CELF2: variants seen among roughly 807,000 people sequenced by gnomAD.
The protein encoded by CELF2 is CUG triplet repeat RNA-binding protein 2.
CELF2 carries 8 observed loss-of-function variants against 62.6 expected under a neutral mutation model. The observed-to-expected ratio is 0.13, with a 90% CI of 0.07 to 0.23. CELF2 has a LOEUF of 0.23. CELF2 is among the 10% of genes least tolerant of loss of function. CELF2 has a pLI of 1.00. For synonymous variants in CELF2, 258 were observed against 250.0 expected (o/e 1.03, Z -0.30); for missense variants, 333 against 671.0 (o/e 0.50, Z 5.56).
intron 1 of CELF2, among the ~76,000 whole-genome samples, chr10:10,915,636 T>C (rs2064257716): frequency 6.6e-6 from 1 of 152,118 alleles, no homozygotes; most frequent in Non-Finnish European, 1.5e-5. Context: ...AGTATTGCTA[T>C]GTGGCCTAGA....
At chr10:10,849,901 G>C (rs2132750766) in intron 1 of CELF2, among the ~76,000 whole-genome samples, 1 of 152,138 alleles carries the variant, frequency 6.6e-6, no homozygotes, top group East Asian at 1.9e-4. Context: ...CCAGGACTTT[G>C]GGAGGCCGAG....
chr10:10,540,938 A>G, the CELF2 span, among the ~76,000 whole-genome samples: 1 of 152,008 alleles, frequency 6.6e-6, no homozygotes, highest in African/African-American at 2.4e-5. Context: ...TAATCCTAGC[A>G]CTTTGGGAGG....
At chr10:10,696,228 ACT>A in the CELF2 span, among the ~76,000 whole-genome samples, 1 of 151,552 alleles carries the variant, frequency 6.6e-6, no homozygotes, top group Non-Finnish European at 1.5e-5. Flanking sequence ...AACAGACAGG[ACT>A]CTCAGCTGGA....
the CELF2 span, among the ~76,000 whole-genome samples, chr10:10,721,301 C>A: frequency 4.6e-5 from 7 of 152,180 alleles, no homozygotes; most frequent in Non-Finnish European, 8.8e-5. Context: ...AAATATTAAT[C>A]ATTTGTTTAC....
chr10:10,720,207 T>C, the CELF2 span, among the ~76,000 whole-genome samples: 3 of 152,242 alleles, frequency 2.0e-5, no homozygotes, highest in African/African-American at 7.2e-5. Flanking sequence ...ATATTAAATC[T>C]ACTTATCTCA....
At chr10:11,181,478 G>A (rs551396234) in intron 2 of CELF2, among the ~76,000 whole-genome samples, 1 of 152,346 alleles carries the variant, frequency 6.6e-6, no homozygotes, top group South Asian at 2.1e-4. Flanking sequence ...TCCCATGCCT[G>A]AGTCTTGCCA....
At chr10:10,830,674 A>T (rs1166436601) in intron 1 of CELF2, among the ~76,000 whole-genome samples, 1 of 151,954 alleles carries the variant, frequency 6.6e-6, no homozygotes, top group African/African-American at 2.4e-5. Flanking sequence ...AGCCCACAAA[A>T]CTCAAGGGGC....
chr10:10,474,973 A>T, the CELF2 span, among the ~76,000 whole-genome samples: 1 of 152,112 alleles, frequency 6.6e-6, no homozygotes, highest in Non-Finnish European at 1.5e-5. Context: ...CTTAACACAG[A>T]GGTCAATAGG....
At chr10:10,733,857 A>G in the CELF2 span, among the ~76,000 whole-genome samples, 1 of 152,200 alleles carries the variant, frequency 6.6e-6, no homozygotes, top group Admixed American at 6.5e-5. Flanking sequence ...TTGGGTGGGG[A>G]CAGAGCCAAG....
chr10:10,590,936 A>C, the CELF2 span, among the ~76,000 whole-genome samples: 1 of 152,210 alleles, frequency 6.6e-6, no homozygotes, highest in Non-Finnish European at 1.5e-5. Flanking sequence ...TAGATGAATA[A>C]AATTGTCTAT....
chr10:10,475,021 C>G, the CELF2 span, among the ~76,000 whole-genome samples: 150 of 152,216 alleles, frequency 9.9e-4, 1 homozygote, highest in African/African-American at 3.4e-3. Flanking sequence ...AGCAGGTAGA[C>G]TGAGAAGATG....
chr10:11,089,817 T>C (rs780683946), intron 1 of CELF2, among the ~76,000 whole-genome samples: 2 of 152,188 alleles, frequency 1.3e-5, no homozygotes, highest in East Asian at 1.9e-4. Flanking sequence ...GAAAATGTGT[T>C]GTACCATGGA....
rs2071818672 is a variant in CELF2 at position 11,177,923 on chromosome 10, T to C, written c.271+12241T>C. 6.6e-6 allele frequency among the ~76,000 whole-genome samples: 1 copy of C among 152,164 alleles called. No homozygotes were observed. The highest frequency in any genetic ancestry group is 6.5e-5 in the Admixed American group (1 of 15,278). On this transcript the variant is annotated intron_variant, in intron 2 of 12. Transcript: ENST00000633077. The surrounding 1 kb of genome is among the most constrained non-coding windows in gnomAD (Gnocchi z 4.8). The stretch of plus-strand genomic sequence containing the variant: ...CTCTCTGGGTGAAGCCAGTATGTCC[T>C]GGTGGTGGCCTTAGAAGACAGCCCC...
At chr10:10,584,018 G>C in the CELF2 span, among the ~76,000 whole-genome samples, 1 of 152,020 alleles carries the variant, frequency 6.6e-6, no homozygotes, top group African/African-American at 2.4e-5. Context: ...AGACCGTAGG[G>C]GGCTAAGGCT....
At chr10:10,869,563 T>G (rs993067947) in intron 1 of CELF2, among the ~76,000 whole-genome samples, 28 of 94,414 alleles carry the variant, frequency 3.0e-4, no homozygotes, top group African/African-American at 1.5e-3. Context: ...AGACTTCATC[T>G]GGGGGAAAAA....
intron 1 of CELF2, among the ~76,000 whole-genome samples, chr10:10,863,658 TAG>T (rs1266862844): frequency 6.6e-6 from 1 of 152,170 alleles, no homozygotes; most frequent in African/African-American, 2.4e-5. Flanking sequence ...ACCAACCTAA[TAG>T]ATTAAGTGGA....
intron 4 of CELF2, among the ~76,000 whole-genome samples, chr10:11,251,770 G>A (rs893170648): frequency 3.3e-5 from 5 of 152,184 alleles, no homozygotes; most frequent in African/African-American, 1.2e-4. Context: ...ATAAGTTAAC[G>A]TCTATAAAGA....
In CELF2 at chr10:10,986,183, A is replaced by T. The variant is rs543333729; in HGVS notation, c.89+66184A>T. On this transcript the variant is annotated intron_variant, in intron 2 of 13. Transcript: ENST00000636488. The stretch of plus-strand genomic sequence containing the variant: ...ATCTATACAGTGTAAAACTTTTTAT[A>T]AAAAAAAAAGGTATATTCTCTGTAT... Among the ~76,000 whole-genome samples the T allele has an allele frequency of 1.3e-3, 181 of 143,264 alleles. 1 individual carries two copies. The highest frequency in any genetic ancestry group is 4.4e-3 in the African/African-American group (160 of 35,976). The allele number at this position is 143,264 out of a possible 152,430, so 94.0% of individuals were successfully genotyped here. A position where few individuals can be genotyped will look rare whatever the true frequency, so the allele number is the denominator to read the frequency against.
chr10:11,136,276 A>G (rs909936403), intron 1 of CELF2, among the ~76,000 whole-genome samples: 7 of 152,154 alleles, frequency 4.6e-5, no homozygotes, highest in African/African-American at 1.7e-4. Flanking sequence ...GGCTCTGAGG[A>G]TCTTATATTC....
Sources: gnomAD v4.1 joint callset for allele counts (sites outside exome capture counted in the v4.1 genomes callset) on GRCh38, gnomAD v4.1.1 for gene constraint, Gnocchi (gnomAD v3.1) non-coding constraint, MANE v1.5 for transcripts, NCBI Gene and HGNC (gene_info 2026-07-23, HGNC 2026-07-21) for gene names.